Variants in AKAP13 observed in about 807,000 individuals in gnomAD.
The protein encoded by AKAP13 is A-kinase anchor protein 13.
Under a neutral mutation model 264.5 loss-of-function variants are expected in AKAP13, and 80 were observed. The ratio of observed to expected loss-of-function variants is 0.30; its 90% CI spans 0.25 to 0.36. The LOEUF is 0.36. AKAP13 is among the 10% of genes least tolerant of loss of function. The pLI is 1.00. For synonymous variants in AKAP13, 1,380 were observed against 1,250.2 expected, an observed-to-expected ratio of 1.10 and a Z score of -2.19; for missense variants, 3,712 against 3,435.2, an observed-to-expected ratio of 1.08 and a Z score of -2.01.
intron 16 of AKAP13, among the ~76,000 whole-genome samples, chr15:85,686,311 A>G (rs1186044299): frequency 3.3e-5 from 5 of 152,180 alleles, no homozygotes; most frequent in African/African-American, 1.2e-4. Context: ...ATAAAAGGGC[A>G]TTGCCTCCTC....
intron 1 of AKAP13, among the ~76,000 whole-genome samples, chr15:85,424,562 G>A (rs1297126178): frequency 1.3e-5 from 2 of 152,166 alleles, no homozygotes; most frequent in Non-Finnish European, 2.9e-5. Flanking sequence ...GACCACTCAA[G>A]CTTTCATATT....
rs117095192 is a variant in AKAP13, at chr15:85,440,405, G to A, written c.-11-45305G>A. Among the ~76,000 whole-genome samples, 1,815 of 152,206 alleles carry A rather than the reference G, an allele frequency of 0.012. 60 individuals carry two copies. The South Asian group carries it at 0.12, about 10-fold the overall frequency. ...TGTGTTCTGAAATGCTGCTGTTATT[G>A]TAACTTACTGACTGTATTGTAAATT... is the stretch of plus-strand genomic sequence containing the variant. On this transcript the variant is annotated intron_variant, in intron 1 of 36. Coordinates refer to ENST00000394518, the MANE Select transcript of AKAP13 (RefSeq NM_007200.5).
chr15:85,590,286 T>C (rs1042372362), intron 8 of AKAP13, among the ~76,000 whole-genome samples: 9 of 152,244 alleles, frequency 5.9e-5, no homozygotes, highest in Admixed American at 2.0e-4. Context: ...TAAATTCTTA[T>C]GGAAGTTTTG....
intron 1 of AKAP13, among the ~76,000 whole-genome samples, chr15:85,392,427 G>C (rs1206515020): frequency 6.6e-6 from 1 of 151,500 alleles, no homozygotes; most frequent in Non-Finnish European, 1.5e-5. Flanking sequence ...GCTAATTTTT[G>C]TATTTTTAGT....
intron 4 of AKAP13, among the ~76,000 whole-genome samples, chr15:85,538,413 G>A (rs1326725465): frequency 6.6e-6 from 1 of 151,946 alleles, no homozygotes; most frequent in Non-Finnish European, 1.5e-5. Flanking sequence ...ATCTGATATT[G>A]GTTAATAGGT....
At chr15:85,490,457 AG>A (rs1299732558) in intron 2 of AKAP13, among the ~76,000 whole-genome samples, 1 of 152,230 alleles carries the variant, frequency 6.6e-6, no homozygotes, top group African/African-American at 2.4e-5. Context: ...AAATCGTTTG[AG>A]TCTTCTCTAA....
At chr15:85,470,019 G>T (rs1044637120) in intron 1 of AKAP13, among the ~76,000 whole-genome samples, 1 of 152,206 alleles carries the variant, frequency 6.6e-6, no homozygotes, top group Non-Finnish European at 1.5e-5. Context: ...TGGTTGTGAT[G>T]GCTCACGCCG....
intron 16 of AKAP13, among the ~76,000 whole-genome samples, chr15:85,685,774 G>C (rs1030832378): frequency 6.6e-6 from 1 of 152,054 alleles, no homozygotes; most frequent in Non-Finnish European, 1.5e-5. Flanking sequence ...GTGATCCACC[G>C]TGCCCAGCCT....
chr15:85,620,192 AT>A (rs1350064751), intron 8 of AKAP13: 1 of 1,534,624 alleles, frequency 6.5e-7, no homozygotes, highest in African/African-American at 1.4e-5. Flanking sequence ...GCTGCACCTC[AT>A]GCATTCTGAA....
chr15:85,454,929 A>T (rs1416199446), intron 1 of AKAP13, among the ~76,000 whole-genome samples: 1 of 152,186 alleles, frequency 6.6e-6, no homozygotes, highest in Non-Finnish European at 1.5e-5. Context: ...TTACTGACAG[A>T]TTTTTAGGCA....
At chr15:85,471,782 G>A (rs2074970303) in intron 1 of AKAP13, among the ~76,000 whole-genome samples, 1 of 152,164 alleles carries the variant, frequency 6.6e-6, no homozygotes, top group African/African-American at 2.4e-5. Flanking sequence ...GGTAATATAA[G>A]TCTTTGAACT....
At chr15:85,466,233 A>G (rs901684891) in intron 1 of AKAP13, among the ~76,000 whole-genome samples, 5 of 151,274 alleles carry the variant, frequency 3.3e-5, no homozygotes, top group African/African-American at 1.2e-4. Context: ...GTTTGAGTTC[A>G]TTGTAGATTC....
chr15:85,686,576 A>G (rs958214648), intron 16 of AKAP13, among the ~76,000 whole-genome samples: 2 of 151,854 alleles, frequency 1.3e-5, no homozygotes, highest in African/African-American at 4.8e-5. Flanking sequence ...TCACACATTT[A>G]ACTTCAGACT....
At chr15:85,641,517 G>A (rs1013861381) in intron 9 of AKAP13, among the ~76,000 whole-genome samples, 3 of 148,754 alleles carry the variant, frequency 2.0e-5, no homozygotes, top group Non-Finnish European at 3.0e-5. Flanking sequence ...ACGGAGTCTC[G>A]CTCTGTCGCC....
intron 8 of AKAP13, among the ~76,000 whole-genome samples, chr15:85,617,700 CA>C (rs1448207698): frequency 1.3e-5 from 2 of 150,900 alleles, no homozygotes; most frequent in African/African-American, 4.9e-5. Context: ...GCTCTGTGTT[CA>C]AAAAAAGAAG....
At chr15:85,407,700 C>T (rs920123611) in intron 1 of AKAP13, among the ~76,000 whole-genome samples, 2 of 151,692 alleles carry the variant, frequency 1.3e-5, no homozygotes, top group Non-Finnish European at 2.9e-5. Flanking sequence ...AGAATTATTT[C>T]GTGTGGATAG....
intron 29 of AKAP13, among the ~76,000 whole-genome samples, chr15:85,730,199 T>C (rs2087901810): frequency 6.6e-6 from 1 of 152,180 alleles, no homozygotes; most frequent in Non-Finnish European, 1.5e-5. Context: ...GGGAAAGCAG[T>C]TGCAGAGTGG....
At chr15:85,591,373 A>G (rs940535857) in intron 8 of AKAP13, among the ~76,000 whole-genome samples, 1 of 152,184 alleles carries the variant, frequency 6.6e-6, no homozygotes, top group African/African-American at 2.4e-5. Flanking sequence ...CCATTGCATT[A>G]TACTTTCATG....
chr15:85,459,474 C>G (rs1202845507), intron 1 of AKAP13, among the ~76,000 whole-genome samples: 1 of 149,768 alleles, frequency 6.7e-6, no homozygotes, highest in Non-Finnish European at 1.5e-5. Context: ...GATAGGATTA[C>G]AAGCCTGAGC....
Sources: allele counts gnomAD v4.1 joint callset (sites outside exome capture counted in the v4.1 genomes callset), GRCh38; gene constraint gnomAD v4.1.1; transcripts MANE v1.5; gene names NCBI Gene and HGNC (gene_info 2026-07-23, HGNC 2026-07-21).